The following UGT2A2 variants were observed in gnomAD, a reference collection of about 807,000 sequenced individuals.
UGT2A2 encodes UDP-glucuronosyltransferase 2A2.
A neutral mutation model predicts 50.7 loss-of-function variants in UGT2A2; 60 were observed. That is an observed-to-expected ratio of 1.18 (90% confidence interval 0.96 to 1.47). The LOEUF (loss-of-function observed/expected upper bound fraction) is 1.47. UGT2A2 is among the 40% of genes most tolerant of loss of function. UGT2A2 has a pLI of 0.00. For synonymous variants in UGT2A2, 242 were observed against 214.6 expected, an observed-to-expected ratio of 1.13 and a Z score of -1.11; for missense variants, 762 against 634.0, an observed-to-expected ratio of 1.20 and a Z score of -2.17.
rs765980792 is a variant in UGT2A2, at chr4:69,639,583, T to TA, written c.57dup (p.Asn20Ter). The TA allele has an allele frequency of 1.2e-6, 2 of 1,609,906 alleles. No homozygotes were observed. Among genetic ancestry groups the TA allele is most frequent in the Non-Finnish European group, 1.7e-6 (2 of 1,178,388 alleles). The stretch of plus-strand genomic sequence containing the variant: ...AGAACAACTTCAGTCAGAGTCAAAT[T>TA]AAAAACCAGCATCTGGACAAACTTC... On this transcript the variant is annotated frameshift_variant, in exon 1 of 6. Coordinates refer to ENST00000604629, the MANE Select transcript of UGT2A2 (RefSeq NM_001105677.2). LOFTEE classifies it high-confidence loss of function.
chr4:69,604,728 C>T (rs1719501013), intron 1 of UGT2A2, among the ~76,000 whole-genome samples: 1 of 136,560 alleles, frequency 7.3e-6, no homozygotes, highest in East Asian at 2.1e-4. Flanking sequence ...GGAGGAAGAT[C>T]TACCAAGCAA....
At position 69,618,166 on chromosome 4, in the gene UGT2A2, C is replaced by G. The variant is rs545914256; in HGVS notation, c.743-18772G>C. On this transcript the variant is annotated intron_variant, in intron 1 of 5. Coordinates refer to ENST00000604629, the MANE Select transcript of UGT2A2 (RefSeq NM_001105677.2). ...AATTCTATGAGAAAATATTATTTCA[C>G]AGATAAATAGGCCAGTAAGCATGTG... 2.7e-5 allele frequency among the ~76,000 whole-genome samples: 4 copies of G among 150,016 alleles called. No homozygotes were observed. In the South Asian group the frequency reaches 8.4e-4, roughly 31 times the overall value.
chr4:69,599,505 G>A, intron 1 of UGT2A2, 111 bp from the exon 2 acceptor site: 10 of 1,466,604 alleles, frequency 6.8e-6, no homozygotes, highest in Non-Finnish European at 9.1e-6. Context: ...AACTGAATTA[G>A]GTCTTCTAGA....
At position 69,589,661 on chromosome 4, in the gene UGT2A2, A is replaced by G; in HGVS notation, c.1332-10T>C. 1 of 1,582,532 alleles carries G rather than the reference A, an allele frequency of 6.3e-7. No individual in the cohort carries two copies. On this transcript the variant is annotated splice_polypyrimidine_tract_variant and intron_variant, in intron 5 of 5. Coordinates refer to ENST00000604629, the MANE Select transcript of UGT2A2 (RefSeq NM_001105677.2). ...AGCATTCTCTTTATAACTAGAAGAC[A>G]AATAAATAGGCAGAAATTAGACAAT... is the stretch of plus-strand genomic sequence containing the variant.
At chr4:69,623,374 T>G (rs1023833895) in intron 1 of UGT2A2, among the ~76,000 whole-genome samples, 1 of 151,718 alleles carries the variant, frequency 6.6e-6, no homozygotes, top group African/African-American at 2.4e-5. Flanking sequence ...GTAATTTTTG[T>G]GAGAATCATC....
rs13119853 is a variant in UGT2A2 at position 69,623,261 on chromosome 4, A to C, written c.742+15638T>G. Reference sequence around the variant, plus strand: ...GTGATACCACTACCCCATTTCTACCAGTAATGTAGTCTCTACAGCTATCTA... The same window carrying C: ...GTGATACCACTACCCCATTTCTACCCGTAATGTAGTCTCTACAGCTATCTA... On this transcript the variant is annotated intron_variant, in intron 1 of 5. Coordinates refer to ENST00000604629, the MANE Select transcript of UGT2A2 (RefSeq NM_001105677.2). Among the ~76,000 whole-genome samples, 793 of 151,942 alleles carry C rather than the reference A, an allele frequency of 5.2e-3. 4 individuals are homozygous for C. The highest frequency in any genetic ancestry group is 6.6e-3 in the Non-Finnish European group (447 of 67,874).
intron 1 of UGT2A2, among the ~76,000 whole-genome samples, chr4:69,614,617 A>C (rs10009530): frequency 0.78 from 118,858 of 151,428 alleles, 46,772 homozygotes; most frequent in South Asian, 0.85. Flanking sequence ...ATTATAAAAA[A>C]AGACATATAG....
rs1008178951 is a variant in UGT2A2 at position 69,630,643 on chromosome 4, G to A, written c.742+8256C>T. ...ACCCCAGAGGAATGCAAGTTAAAAT[G>A]AGACATGTACTTTCAACAAACTGGT... On this transcript the variant is annotated intron_variant, in intron 1 of 5. Coordinates refer to ENST00000604629, the MANE Select transcript of UGT2A2 (RefSeq NM_001105677.2). 3.9e-5 allele frequency among the ~76,000 whole-genome samples: 6 copies of A among 152,212 alleles called. No homozygotes were observed. In the South Asian group the frequency reaches 1.2e-3, roughly 32 times the overall value.
Position 69,599,239 on chromosome 4 carries a change from G to A in UGT2A2, c.891+7C>T. ...GAGCATAAAATCCTCCACTGTTGTA[G>A]ACCTACCTTAGGTAAAGGTTTGGCA... is the stretch of plus-strand genomic sequence containing the variant. On this transcript the variant is annotated splice_region_variant and intron_variant, in intron 2 of 5. Coordinates refer to ENST00000604629, the MANE Select transcript of UGT2A2 (RefSeq NM_001105677.2). 6.2e-7 allele frequency: 1 copy of A among 1,612,380 alleles called. No homozygotes were observed. The highest frequency in any genetic ancestry group is 8.5e-7 in the Non-Finnish European group (1 of 1,179,506).
At chr4:69,612,677 T>C (rs181807524) in intron 1 of UGT2A2, among the ~76,000 whole-genome samples, 19 of 152,162 alleles carry the variant, frequency 1.2e-4, no homozygotes, top group Admixed American at 1.2e-3. Context: ...GCTAGCCATA[T>C]GCAGAAGAAA....
intron 1 of UGT2A2, among the ~76,000 whole-genome samples, chr4:69,626,669 TA>T (rs57032839): frequency 0.35 from 53,073 of 151,354 alleles, 9,661 homozygotes; most frequent in African/African-American, 0.43. Context: ...ACAATGTTAC[TA>T]CTAAAGAAAG....
At chr4:69,634,523 C>G (rs2109961072) in intron 1 of UGT2A2, among the ~76,000 whole-genome samples, 1 of 152,014 alleles carries the variant, frequency 6.6e-6, no homozygotes, top group Admixed American at 6.5e-5. Context: ...AGTTTAGTTG[C>G]AGACAAGTTG....
intron 1 of UGT2A2, among the ~76,000 whole-genome samples, chr4:69,628,623 A>G (rs983577908): frequency 6.6e-6 from 1 of 151,278 alleles, no homozygotes. Flanking sequence ...TAAAACTTAG[A>G]AAACAGAACT....
chr4:69,625,775 C>T (rs1721020707), intron 1 of UGT2A2, among the ~76,000 whole-genome samples: 1 of 151,358 alleles, frequency 6.6e-6, no homozygotes, highest in Non-Finnish European at 1.5e-5. Context: ...TTTTCAAAAG[C>T]CCCAGGCAGG....
At chr4:69,602,474 T>TCTAC (rs1180211329) in intron 1 of UGT2A2, among the ~76,000 whole-genome samples, 1 of 128,632 alleles carries the variant, frequency 7.8e-6, no homozygotes, top group African/African-American at 3.3e-5. Flanking sequence ...TATCTATCTA[T>TCTAC]CTATCTATCT....
intron 5 of UGT2A2, among the ~76,000 whole-genome samples, chr4:69,590,906 G>T (rs1039347854): frequency 1.3e-5 from 2 of 151,934 alleles, no homozygotes; most frequent in African/African-American, 4.8e-5. Flanking sequence ...AATTACAATG[G>T]TCTATTCAAA....
chr4:69,591,685 A>T (rs1718606029), intron 5 of UGT2A2, among the ~76,000 whole-genome samples: 3 of 152,104 alleles, frequency 2.0e-5, no homozygotes, highest in Admixed American at 2.0e-4. Flanking sequence ...GTCCATTTGG[A>T]TGGTTGGGTG....
intron 1 of UGT2A2, among the ~76,000 whole-genome samples, chr4:69,628,861 A>C (rs1249883716): frequency 6.6e-6 from 1 of 151,568 alleles, no homozygotes; most frequent in African/African-American, 2.4e-5. Context: ...TCTATATTGA[A>C]ATTCAAAGGA....
intron 1 of UGT2A2, among the ~76,000 whole-genome samples, chr4:69,629,860 G>A (rs915205026): frequency 2.6e-5 from 4 of 151,880 alleles, no homozygotes; most frequent in South Asian, 4.2e-4. Flanking sequence ...GTGAATCATC[G>A]AGTCTCAGAG....
Sources: gnomAD v4.1 joint callset for allele counts (sites outside exome capture counted in the v4.1 genomes callset) on GRCh38, gnomAD v4.1.1 for gene constraint, MANE v1.5 for transcripts, NCBI Gene and HGNC (gene_info 2026-07-23, HGNC 2026-07-21) for gene names.